ANKRD11: variants seen among roughly 807,000 people sequenced by gnomAD.
ANKRD11 encodes the protein ankyrin repeat domain 11, also known as ankyrin repeat domain-containing protein 11.
Under a neutral mutation model 195.7 loss-of-function variants are expected in ANKRD11, and 17 were observed. The observed-to-expected ratio is 0.09, with a 90% confidence interval of 0.06 to 0.13. The LOEUF (loss-of-function observed/expected upper bound fraction) is 0.13, where lower values mean the gene tolerates loss of function less well. ANKRD11 is among the 10% of genes least tolerant of loss of function. The pLI is 1.00. For synonymous variants in ANKRD11, 1,953 were observed against 1,528.1 expected, an observed-to-expected ratio of 1.28 and a Z score of -6.49; for missense variants, 3,735 against 3,566.1, an observed-to-expected ratio of 1.05 and a Z score of -1.21.
At chr16:89,302,873 G>A (rs2035941762) in intron 4 of ANKRD11, among the ~76,000 whole-genome samples, 1 of 152,124 alleles carries the variant, frequency 6.6e-6, no homozygotes, top group African/African-American at 2.4e-5. Context: ...TGTTCAACAC[G>A]CAGTTCCAGG....
At chr16:89,341,137 G>C (rs1407671387) in intron 2 of ANKRD11, among the ~76,000 whole-genome samples, 3 of 152,132 alleles carry the variant, frequency 2.0e-5, no homozygotes, top group Admixed American at 2.0e-4. Context: ...AGAAATCAAG[G>C]TTTCCACTGC....
intron 1 of ANKRD11, among the ~76,000 whole-genome samples, chr16:89,467,591 C>CCCCCAGG (rs2056928883): frequency 6.6e-6 from 1 of 152,050 alleles, no homozygotes; most frequent in African/African-American, 2.4e-5. Flanking sequence ...GTCTTGAGCT[C>CCCCCAGG]CTGGTCTCAA....
At chr16:89,326,419 ACCACCCAC>A (rs2151951829) in intron 2 of ANKRD11, among the ~76,000 whole-genome samples, 1 of 151,922 alleles carries the variant, frequency 6.6e-6, no homozygotes, top group African/African-American at 2.4e-5. Flanking sequence ...CCACTCAGCA[ACCACCCAC>A]CCACTGCTCA....
intron 9 of ANKRD11, 130 bp downstream of exon 9, chr16:89,278,942 C>A (rs1353557363): frequency 7.0e-7 from 1 of 1,419,174 alleles, no homozygotes; most frequent in South Asian, 1.2e-5. Flanking sequence ...TGTGTCTCCT[C>A]AGGTGGCAGA....
chr16:89,446,000 T>A (rs1311948181), intron 1 of ANKRD11, among the ~76,000 whole-genome samples: 1 of 140,108 alleles, frequency 7.1e-6, no homozygotes, highest in African/African-American at 2.6e-5. Context: ...AAATTTTTTG[T>A]TAAAAAAAAA....
chr16:89,317,887 A>C (rs2037061472), intron 2 of ANKRD11, among the ~76,000 whole-genome samples: 1 of 152,072 alleles, frequency 6.6e-6, no homozygotes, highest in Non-Finnish European at 1.5e-5. Context: ...ATGCAACCCA[A>C]TCACCTTCTT....
chr16:89,369,547 C>A (rs2040103578), intron 2 of ANKRD11, among the ~76,000 whole-genome samples: 1 of 152,196 alleles, frequency 6.6e-6, no homozygotes. Flanking sequence ...CTGGAATAGG[C>A]AGATAAATCC....
intron 2 of ANKRD11, among the ~76,000 whole-genome samples, chr16:89,351,193 G>T (rs749929438): frequency 1.3e-5 from 2 of 152,218 alleles, no homozygotes; most frequent in African/African-American, 4.8e-5. Context: ...GCAGAGAGGC[G>T]GCGGCGGCAG....
At chr16:89,423,834 G>A (rs1263592607) in intron 1 of ANKRD11, among the ~76,000 whole-genome samples, 2 of 152,166 alleles carry the variant, frequency 1.3e-5, no homozygotes, top group Non-Finnish European at 2.9e-5. Context: ...CAAACCGCAC[G>A]GCTCGTGCAC....
At chr16:89,386,566 T>A (rs2040920196) in intron 2 of ANKRD11, among the ~76,000 whole-genome samples, 1 of 152,162 alleles carries the variant, frequency 6.6e-6, no homozygotes, top group South Asian at 2.1e-4. Context: ...CGACCTTGCA[T>A]CCTGCAAGAT....
chr16:89,486,007 A>G (rs1184320338), intron 1 of ANKRD11, among the ~76,000 whole-genome samples: 1 of 152,226 alleles, frequency 6.6e-6, no homozygotes, highest in Non-Finnish European at 1.5e-5. Flanking sequence ...TCTGGCCTGA[A>G]AACAGCAGTC....
At chr16:89,288,889 T>G in intron 6 of ANKRD11, 1 of 637,364 alleles carries the variant, frequency 1.6e-6, no homozygotes, top group Non-Finnish European at 2.8e-6. Context: ...ATCTAGCTTA[T>G]TAACCCTACG....
At chr16:89,322,439 G>A (rs909902746) in intron 2 of ANKRD11, among the ~76,000 whole-genome samples, 15 of 152,348 alleles carry the variant, frequency 9.8e-5, no homozygotes, top group African/African-American at 3.4e-4. Context: ...ATCGAATGGT[G>A]CCCAAGGCCC....
intron 2 of ANKRD11, chr16:89,361,777 G>A (rs531796159): frequency 1.3e-5 from 2 of 152,282 alleles, no homozygotes; most frequent in African/African-American, 4.8e-5. Context: ...AGGACTAAGG[G>A]AGAAGTACAA....
In ANKRD11 at chr16:89,384,879, C is replaced by CTTTTTTTTTTTTTTTTTTTTT. The variant is rs869271846; in HGVS notation, c.-60+33384_-60+33404dup. 1.7e-3 allele frequency among the ~76,000 whole-genome samples: 87 copies of CTTTTTTTTTTTTTTTTTTTTT among 49,940 alleles called. 15 individuals are homozygous for CTTTTTTTTTTTTTTTTTTTTT. Among genetic ancestry groups the CTTTTTTTTTTTTTTTTTTTTT allele is most frequent in the Admixed American group, 2.5e-3 (7 of 2,780 alleles). The allele number at this position is 49,940 out of a possible 152,430, so 32.8% of individuals were successfully genotyped here. A position where few individuals can be genotyped will look rare whatever the true frequency, so the allele number is the denominator to read the frequency against. On this transcript the variant is annotated intron_variant, in intron 2 of 12. Transcript: ENST00000301030. ...GGAGCACACAATGAGAAATAGTTTTCTTTTTTTTTTTTTTTTTTTTTTTTT... is the reference window on the plus strand; with the variant it reads ...GGAGCACACAATGAGAAATAGTTTTCTTTTTTTTTTTTTTTTTTTTTTTTTTTTTTTTTTTTTTTTTTTTTT...
Position 89,462,350 on chromosome 16 carries a change from C to T in ANKRD11, c.-145+27895G>A, listed in dbSNP as rs1043414646. 9.2e-5 allele frequency among the ~76,000 whole-genome samples: 14 copies of T among 152,332 alleles called. No individual in the cohort carries two copies. In the South Asian group the frequency reaches 1.2e-3, roughly 14 times the overall value. On this transcript the variant is annotated intron_variant, in intron 1 of 12. Transcript: ENST00000301030. ...CCTCCCGAGGTGCCGGGATTGCAGA[C>T]GGAGTCTCGTTCACTCAGTGCTCAA...
At chr16:89,349,244 A>C (rs1423389693) in intron 2 of ANKRD11, among the ~76,000 whole-genome samples, 3 of 151,808 alleles carry the variant, frequency 2.0e-5, no homozygotes, top group Non-Finnish European at 4.4e-5. Flanking sequence ...AAGACCAAAA[A>C]CAGGCCAGGC....
chr16:89,469,559 G>C (rs2057000306), intron 1 of ANKRD11, among the ~76,000 whole-genome samples: 1 of 151,858 alleles, frequency 6.6e-6, no homozygotes, highest in Non-Finnish European at 1.5e-5. Context: ...CACCGTACTG[G>C]AGATTCTAGT....
intron 2 of ANKRD11, among the ~76,000 whole-genome samples, chr16:89,406,259 G>A (rs1197688411): frequency 1.3e-5 from 2 of 152,172 alleles, no homozygotes; most frequent in Non-Finnish European, 2.9e-5. Context: ...GCACCCACAC[G>A]TGCTGGTCTC....
Sources: gnomAD v4.1 joint callset for allele counts (sites outside exome capture counted in the v4.1 genomes callset) on GRCh38, gnomAD v4.1.1 for gene constraint, MANE v1.5 for transcripts, NCBI Gene and HGNC (gene_info 2026-07-23, HGNC 2026-07-21) for gene names.